Variants in ZFAT observed in about 807,000 individuals in gnomAD.
ZFAT encodes the protein zinc finger protein ZFAT.
In ZFAT, 64 loss-of-function variants were observed where a neutral mutation model predicts 117.7. The ratio of observed to expected loss-of-function variants is 0.54; its 90% confidence interval spans 0.44 to 0.67. ZFAT has a LOEUF of 0.67. ZFAT is among the 30% of genes least tolerant of loss of function. ZFAT has a pLI of 0.00. For synonymous variants in ZFAT, 679 were observed against 615.0 expected (o/e 1.10, Z -1.54); for missense variants, 1,433 against 1,584.5 (o/e 0.90, Z 1.62).
intron 1 of ZFAT, among the ~76,000 whole-genome samples, chr8:134,681,615 T>C (rs746576798): frequency 1.6e-4 from 25 of 152,226 alleles, no homozygotes; most frequent in Non-Finnish European, 3.5e-4. Flanking sequence ...CCTTGATTAG[T>C]ATAAATCATC....
chr8:134,687,797 T>C (rs181713953), intron 1 of ZFAT, among the ~76,000 whole-genome samples: 1 of 152,328 alleles, frequency 6.6e-6, no homozygotes, highest in Admixed American at 6.5e-5. Context: ...TCTAGAGTAC[T>C]GGGGAGAAAT....
At chr8:134,821,159 T>C in the ZFAT span, among the ~76,000 whole-genome samples, 1 of 152,212 alleles carries the variant, frequency 6.6e-6, no homozygotes. Flanking sequence ...TCTTCAGATA[T>C]ATAAATTCAT....
In ZFAT at chr8:134,569,839, C is replaced by G. The variant is rs117749175; in HGVS notation, c.2888-4418G>C. On this transcript the variant is annotated intron_variant, in intron 10 of 15. Coordinates refer to ENST00000377838, the MANE Select transcript of ZFAT (RefSeq NM_020863.4). ...CAGTTCTAATTAAGCCAGCCTAAAT[C>G]AGTATACCTAAAACAAAAAGCATAA... 1.9e-4 allele frequency among the ~76,000 whole-genome samples: 29 copies of G among 152,316 alleles called. No homozygotes were observed. In the East Asian group the frequency reaches 5.4e-3, roughly 28 times the overall value.
At chr8:134,604,473 C>T (rs1425690877) in intron 5 of ZFAT, among the ~76,000 whole-genome samples, 1 of 152,140 alleles carries the variant, frequency 6.6e-6, no homozygotes, top group African/African-American at 2.4e-5. Flanking sequence ...TGACAGTCAC[C>T]AAAGTACCAC....
upstream of ZFAT, among the ~76,000 whole-genome samples, chr8:134,717,472 T>TTTTTTTTTTG: frequency 1.8e-5 from 1 of 55,168 alleles, no homozygotes; most frequent in Non-Finnish European, 3.2e-5. Context: ...AACTCTTTTT[T>TTTTTTTTTTG]TTTTTTTTTT....
chr8:134,714,540 C>T (rs150297646), upstream of ZFAT, among the ~76,000 whole-genome samples: 23 of 152,202 alleles, frequency 1.5e-4, no homozygotes, highest in African/African-American at 4.8e-4. Context: ...CAGGAGACTG[C>T]CCGCCTGCTC....
intron 10 of ZFAT, among the ~76,000 whole-genome samples, chr8:134,579,699 C>T (rs538497311): frequency 8.5e-5 from 13 of 152,158 alleles, no homozygotes; most frequent in Non-Finnish European, 1.5e-4. Context: ...GCCTGTAACC[C>T]CAGCACTTTG....
At chr8:134,597,536 AT>A in intron 7 of ZFAT, 1 of 151,648 alleles carries the variant, frequency 6.6e-6, no homozygotes, top group Non-Finnish European at 1.5e-5. Flanking sequence ...TTCCAGGAAA[AT>A]TTTTTTTGGG....
At chr8:134,586,106 C>A (rs1826050480) in intron 9 of ZFAT, among the ~76,000 whole-genome samples, 1 of 152,156 alleles carries the variant, frequency 6.6e-6, no homozygotes, top group South Asian at 2.1e-4. Context: ...GGTGTGTGTA[C>A]TGATATCCTG....
intron 1 of ZFAT, among the ~76,000 whole-genome samples, chr8:134,664,136 C>T (rs538430509): frequency 6.6e-6 from 1 of 152,044 alleles, no homozygotes; most frequent in Middle Eastern, 3.2e-3. Context: ...CTCTACCCCC[C>T]ACTCCACCCC....
intron 1 of ZFAT, among the ~76,000 whole-genome samples, chr8:134,692,076 G>A (rs914636722): frequency 2.6e-5 from 4 of 152,136 alleles, no homozygotes; most frequent in East Asian, 3.9e-4. Flanking sequence ...GGCTGGTCTC[G>A]AACTCCCACC....
Position 134,478,966 on chromosome 8 carries a change from C to A in ZFAT, c.3493-245G>T, listed in dbSNP as rs1386190272. Among the ~76,000 whole-genome samples, 2 of 152,166 alleles carry A rather than the reference C, an allele frequency of 1.3e-5. No individual in the cohort carries two copies. The highest frequency in any genetic ancestry group is 2.9e-5 in the Non-Finnish European group (2 of 68,032). On this transcript the variant is annotated intron_variant, in intron 15 of 15. Transcript: ENST00000377838. This position sits in a 1 kb window ranked among gnomAD's most constrained non-coding sequence, Gnocchi z 5.2. Reference sequence around the variant, plus strand: ...CGTGGCAAATGGTGGAACCTAAGTTCAAACCCAGAGTCCGAGGTTGTTTCT... The same window carrying A: ...CGTGGCAAATGGTGGAACCTAAGTTAAAACCCAGAGTCCGAGGTTGTTTCT...
chr8:134,503,124 A>G (rs1315792461), intron 15 of ZFAT, among the ~76,000 whole-genome samples: 1 of 152,196 alleles, frequency 6.6e-6, no homozygotes, highest in Non-Finnish European at 1.5e-5. Context: ...ATCTACTCCC[A>G]TGGGGGCAGT....
intron 15 of ZFAT, among the ~76,000 whole-genome samples, chr8:134,497,604 C>G (rs28702463): frequency 0.017 from 294 of 17,020 alleles, 3 homozygotes; most frequent in East Asian, 0.12. Flanking sequence ...AGCCTGATTT[C>G]GTAGGGTTGG....
At chr8:134,696,345 G>A in intron 1 of ZFAT, 1 of 979,776 alleles carries the variant, frequency 1.0e-6, no homozygotes, top group Non-Finnish European at 1.2e-6. Flanking sequence ...TAGGCGACCA[G>A]GAGTGGAGAA....
chr8:134,663,821 G>A (rs1257463663), intron 1 of ZFAT, among the ~76,000 whole-genome samples: 5 of 152,114 alleles, frequency 3.3e-5, no homozygotes, highest in Admixed American at 6.6e-5. Flanking sequence ...TGCTAGGCAC[G>A]GTAAAGGATA....
the ZFAT span, among the ~76,000 whole-genome samples, chr8:134,826,556 T>C: frequency 6.6e-6 from 1 of 152,018 alleles, no homozygotes; most frequent in African/African-American, 2.4e-5. Flanking sequence ...TCAGGTCCTT[T>C]TGAAAAATAT....
intron 2 of ZFAT, among the ~76,000 whole-genome samples, chr8:134,653,297 A>C (rs1831385596): frequency 6.8e-6 from 1 of 146,988 alleles, no homozygotes; most frequent in Non-Finnish European, 1.5e-5. Context: ...AAAAACAAAA[A>C]ACAGGGTCTC....
intron 1 of ZFAT, among the ~76,000 whole-genome samples, chr8:134,674,172 A>AT (rs1250930382): frequency 1.3e-5 from 2 of 152,018 alleles, no homozygotes; most frequent in Admixed American, 6.6e-5. Flanking sequence ...GGGTCGGGAG[A>AT]TTTTCCCTTT....
Sources: gnomAD v4.1 joint callset for allele counts (sites outside exome capture counted in the v4.1 genomes callset) on GRCh38, gnomAD v4.1.1 for gene constraint, Gnocchi (gnomAD v3.1) non-coding constraint, MANE v1.5 for transcripts, NCBI Gene and HGNC (gene_info 2026-07-23, HGNC 2026-07-21) for gene names.